Variants in KCNIP4 observed in about 807,000 individuals in gnomAD.
KCNIP4 encodes potassium voltage-gated channel interacting protein 4.
Under a neutral mutation model 34.0 loss-of-function variants are expected in KCNIP4, and 12 were observed. The ratio of observed to expected loss-of-function variants is 0.35; its 90% confidence interval spans 0.23 to 0.57. The LOEUF (loss-of-function observed/expected upper bound fraction) is 0.57. Ranked by LOEUF, KCNIP4 falls within the 20% of genes least tolerant of loss-of-function variation. The pLI is 0.83. For synonymous variants in KCNIP4, 124 were observed against 102.2 expected (o/e 1.21, Z -1.29); for missense variants, 238 against 311.7 (o/e 0.76, Z 1.78).
At chr4:21,016,531 G>A (rs960293059) in intron 1 of KCNIP4, among the ~76,000 whole-genome samples, 16 of 152,034 alleles carry the variant, frequency 1.1e-4, no homozygotes, top group African/African-American at 3.6e-4. Context: ...TCCTGACCTC[G>A]TGATCTGCCC....
At chr4:21,780,165 G>C (rs917254621) in intron 1 of KCNIP4, among the ~76,000 whole-genome samples, 10 of 151,618 alleles carry the variant, frequency 6.6e-5, no homozygotes, top group African/African-American at 2.2e-4. Flanking sequence ...GAATAACACA[G>C]AACAGGAGAA....
At chr4:21,387,332 T>C (rs1722120443) in intron 1 of KCNIP4, among the ~76,000 whole-genome samples, 1 of 152,140 alleles carries the variant, frequency 6.6e-6, no homozygotes, top group African/African-American at 2.4e-5. Context: ...TTTCATTTGG[T>C]TCAATAAGAA....
At chr4:21,316,542 C>T (rs765249004) in intron 1 of KCNIP4, 10 of 152,106 alleles carry the variant, frequency 6.6e-5, no homozygotes, top group Non-Finnish European at 1.2e-4. Flanking sequence ...TCATTAACAC[C>T]ATGATATAAC....
chr4:21,813,340 C>T (rs369940888), intron 1 of KCNIP4, among the ~76,000 whole-genome samples: 2 of 152,098 alleles, frequency 1.3e-5, no homozygotes, highest in African/African-American at 2.4e-5. Flanking sequence ...ATTAACAACA[C>T]AAATTAAAAA....
rs1466762381 is a variant in KCNIP4, at chr4:20,760,837, A to G, written c.289-1947T>C. On this transcript the variant is annotated intron_variant, in intron 3 of 8. Coordinates refer to ENST00000382152, the MANE Select transcript of KCNIP4 (RefSeq NM_025221.6). Reference sequence around the variant, plus strand: ...GGAGTAAAGAAAAAAACAACCAAAAACAAATGAGCAAGCAAGCAAGCAAGT... The same window carrying G: ...GGAGTAAAGAAAAAAACAACCAAAAGCAAATGAGCAAGCAAGCAAGCAAGT... Among the ~76,000 whole-genome samples, 5 of 152,140 alleles carry G rather than the reference A, an allele frequency of 3.3e-5. No individual in the cohort carries two copies. The East Asian group carries it at 9.6e-4, about 29-fold the overall frequency.
intron 1 of KCNIP4, among the ~76,000 whole-genome samples, chr4:21,650,227 T>G (rs6817879): frequency 0.76 from 116,192 of 152,118 alleles, 44,820 homozygotes; most frequent in East Asian, 0.9. Context: ...TTAATGCATG[T>G]TCTGCTAATT....
intron 1 of KCNIP4, among the ~76,000 whole-genome samples, chr4:20,973,392 A>C (rs1735163432): frequency 6.6e-6 from 1 of 152,192 alleles, no homozygotes; most frequent in Non-Finnish European, 1.5e-5. Context: ...ACAGAGATAA[A>C]GAGAGTTAGG....
At chr4:21,484,826 C>T (rs1251830924) in intron 1 of KCNIP4, among the ~76,000 whole-genome samples, 4 of 152,144 alleles carry the variant, frequency 2.6e-5, no homozygotes, top group Admixed American at 2.6e-4. Context: ...AACATTTTGT[C>T]TTGCTTATTT....
At chr4:20,797,773 G>A (rs1408815511) in intron 3 of KCNIP4, among the ~76,000 whole-genome samples, 1 of 152,182 alleles carries the variant, frequency 6.6e-6, no homozygotes, top group Non-Finnish European at 1.5e-5. Context: ...CAGGGAATTA[G>A]GAAACTCAGT....
intron 1 of KCNIP4, among the ~76,000 whole-genome samples, chr4:21,150,206 T>C (rs180996443): frequency 8.8e-4 from 134 of 152,272 alleles, no homozygotes; most frequent in African/African-American, 3.1e-3. Context: ...CAAAGGAGCA[T>C]GGAGTTCCAG....
intron 1 of KCNIP4, among the ~76,000 whole-genome samples, chr4:21,326,125 T>A (rs940484449): frequency 1.3e-5 from 2 of 151,802 alleles, no homozygotes; most frequent in Admixed American, 1.3e-4. Context: ...TATGGCAGAT[T>A]AAGTTTGATG....
At position 21,935,731 on chromosome 4, in the gene KCNIP4, A is replaced by T. The variant is rs984825408; in HGVS notation, c.61+12840T>A. On this transcript the variant is annotated intron_variant, in intron 1 of 8. Transcript: ENST00000382152. ...GACTTCTCATCCTCATGATTAAAGAACATTTTTCTCAGGCCAAATAATTAT... is the reference window on the plus strand; with the variant it reads ...GACTTCTCATCCTCATGATTAAAGATCATTTTTCTCAGGCCAAATAATTAT... Among the ~76,000 whole-genome samples, 31 of 152,086 alleles carry T rather than the reference A, an allele frequency of 2.0e-4. 1 individual carries two copies.
At chr4:20,915,707 TAATA>T (rs757327090) in intron 1 of KCNIP4, among the ~76,000 whole-genome samples, 3 of 152,094 alleles carry the variant, frequency 2.0e-5, no homozygotes, top group Non-Finnish European at 2.9e-5. Flanking sequence ...TATACACACA[TAATA>T]AATAAAGCAA....
intron 1 of KCNIP4, among the ~76,000 whole-genome samples, chr4:21,630,420 C>G (rs1361623893): frequency 6.6e-6 from 1 of 150,398 alleles, no homozygotes; most frequent in Non-Finnish European, 1.5e-5. Context: ...GATCCTGCCA[C>G]TGAACTCCAG....
intron 1 of KCNIP4, among the ~76,000 whole-genome samples, chr4:21,826,826 G>C (rs890124245): frequency 2.0e-5 from 3 of 151,948 alleles, no homozygotes; most frequent in Non-Finnish European, 2.9e-5. Flanking sequence ...TGAAAAAGTA[G>C]AAAAGATCAT....
At chr4:21,711,146 T>C (rs74286723) in intron 1 of KCNIP4, among the ~76,000 whole-genome samples, 2,644 of 152,182 alleles carry the variant, frequency 0.017, 75 homozygotes, top group African/African-American at 0.052. Flanking sequence ...CATTGCAGCC[T>C]ATTTTCTTGA....
chr4:21,120,708 T>G (rs1251783797), intron 1 of KCNIP4, among the ~76,000 whole-genome samples: 1 of 152,114 alleles, frequency 6.6e-6, no homozygotes, highest in Non-Finnish European at 1.5e-5. Context: ...ATCCAATCGC[T>G]TCCCACCAGT....
intron 1 of KCNIP4, among the ~76,000 whole-genome samples, chr4:20,999,776 G>C (rs1737934574): frequency 6.6e-6 from 1 of 151,638 alleles, no homozygotes; most frequent in Non-Finnish European, 1.5e-5. Flanking sequence ...TGATATTCAA[G>C]TTTTCAGAAA....
chr4:20,923,730 C>G (rs1317442684), intron 1 of KCNIP4, among the ~76,000 whole-genome samples: 1 of 152,082 alleles, frequency 6.6e-6, no homozygotes, highest in Non-Finnish European at 1.5e-5. Flanking sequence ...CGATTTAAGC[C>G]TTCTTGTTTG....
Sources: gnomAD v4.1 joint callset for allele counts (sites outside exome capture counted in the v4.1 genomes callset) on GRCh38, gnomAD v4.1.1 for gene constraint, MANE v1.5 for transcripts, NCBI Gene and HGNC (gene_info 2026-07-23, HGNC 2026-07-21) for gene names.